The following PRDM2 variants were observed in gnomAD, a reference collection of about 807,000 sequenced individuals.
PRDM2 encodes PR/SET domain 2.
In PRDM2, 30 loss-of-function variants were observed where a neutral mutation model predicts 130.0. The observed-to-expected ratio is 0.23, with a 90% confidence interval of 0.17 to 0.31. The LOEUF (loss-of-function observed/expected upper bound fraction) is 0.31. Among genes scored for constraint, PRDM2 ranks in the 10% least tolerant of loss-of-function variants. The pLI is 1.00. For synonymous variants in PRDM2, 871 were observed against 782.4 expected (o/e 1.11, Z -1.89); for missense variants, 2,011 against 2,108.4 (o/e 0.95, Z 0.90).
intron 3 of PRDM2, 95 bp downstream of exon 3, chr1:13,731,212 TAA>T: frequency 1.1e-6 from 1 of 923,724 alleles, no homozygotes; most frequent in Non-Finnish European, 1.7e-6. Flanking sequence ...GAGCGCACCA[TAA>T]AAGCAGCAAT....
chr1:13,715,302 T>C (rs1416095129), intron 1 of PRDM2, among the ~76,000 whole-genome samples: 1 of 152,244 alleles, frequency 6.6e-6, no homozygotes, highest in Non-Finnish European at 1.5e-5. Context: ...GATGTCCTCC[T>C]AATGAGTCCG....
At chr1:13,707,240 G>A (rs1044674797) in intron 1 of PRDM2, among the ~76,000 whole-genome samples, 1 of 152,090 alleles carries the variant, frequency 6.6e-6, no homozygotes, top group African/African-American at 2.4e-5. Flanking sequence ...TGAAGACTTT[G>A]GTGCCAGGAC....
chr1:13,733,646 A>G (rs886663361), intron 4 of PRDM2, among the ~76,000 whole-genome samples: 4 of 152,230 alleles, frequency 2.6e-5, no homozygotes, highest in Admixed American at 1.3e-4. Context: ...AAATAGAGAT[A>G]GAAGATATCT....
chr1:13,709,283 T>A (rs1339264634), intron 1 of PRDM2, among the ~76,000 whole-genome samples: 1 of 152,206 alleles, frequency 6.6e-6, no homozygotes, highest in Non-Finnish European at 1.5e-5. Context: ...ATGTTTGGTT[T>A]AAAGAATTTT....
At chr1:13,730,430 G>C (rs1447567794) in intron 2 of PRDM2, among the ~76,000 whole-genome samples, 2 of 152,292 alleles carry the variant, frequency 1.3e-5, no homozygotes, top group African/African-American at 2.4e-5. Context: ...GTAAATTACT[G>C]TTTCCTGGAA....
chr1:13,752,330 C>G (rs182454383), intron 6 of PRDM2, among the ~76,000 whole-genome samples: 2 of 152,302 alleles, frequency 1.3e-5, no homozygotes, highest in Admixed American at 6.5e-5. Flanking sequence ...TTTGGATTCC[C>G]AGATTTGTAA....
At chr1:13,772,492 G>A (rs1448701409) in intron 6 of PRDM2, among the ~76,000 whole-genome samples, 1 of 152,190 alleles carries the variant, frequency 6.6e-6, no homozygotes, top group Non-Finnish European at 1.5e-5. Flanking sequence ...ATCCCTTAGG[G>A]CTCTCAGAGT....
At position 13,782,276 on chromosome 1, in the gene PRDM2, C is replaced by G; in HGVS notation, c.4481C>G (p.Ser1494Cys). ...CCCAAAAAAAAAGTTTCTCATTCAT[C>G]TAAGAAAGGTGGACACTCATCACCT... ...SPPKKKVSHS[S>C]KKGGHSSPAS... Residue 1494 changes from serine (S) to cysteine (C), a missense_variant, in exon 8 of 10, where the codon TCT (serine) becomes TGT (cysteine). By Grantham distance (112) the Ser-to-Cys change is moderately radical. This residue lies in a region of PRDM2 where 410 missense variants were observed against 395.9 expected (regional missense o/e 1.04). Transcript: ENST00000311066. 6.2e-7 allele frequency: 1 copy of G among 1,613,974 alleles called. No homozygotes were observed. The highest frequency in any genetic ancestry group is 8.5e-7 in the Non-Finnish European group (1 of 1,180,012).
chr1:13,818,895 A>C (rs1021120513), intron 9 of PRDM2, among the ~76,000 whole-genome samples: 7 of 152,124 alleles, frequency 4.6e-5, no homozygotes, highest in Non-Finnish European at 7.4e-5. Flanking sequence ...AACAATGTTG[A>C]AATGGACTGT....
At chr1:13,738,230 A>C (rs1010098636) in intron 4 of PRDM2, among the ~76,000 whole-genome samples, 9 of 152,214 alleles carry the variant, frequency 5.9e-5, no homozygotes, top group African/African-American at 2.2e-4. Context: ...AGCAAAGCCC[A>C]GAGACTCTTA....
intron 8 of PRDM2, among the ~76,000 whole-genome samples, chr1:13,785,251 C>T (rs1448075797): frequency 6.6e-6 from 1 of 151,278 alleles, no homozygotes; most frequent in Admixed American, 6.6e-5. Flanking sequence ...CACAAGGAAT[C>T]ATCACATCTA....
intron 8 of PRDM2, chr1:13,787,291 A>G: frequency 2.0e-6 from 2 of 983,854 alleles, no homozygotes; most frequent in Non-Finnish European, 2.4e-6. Flanking sequence ...ATGTATGTCT[A>G]CACGTAAGTA....
chr1:13,756,872 T>C (rs1168493986), intron 6 of PRDM2, among the ~76,000 whole-genome samples: 1 of 152,214 alleles, frequency 6.6e-6, no homozygotes, highest in African/African-American at 2.4e-5. Flanking sequence ...TTGAGATCCA[T>C]ATCCTCATTT....
chr1:13,802,231 AC>A (rs1645019251), intron 8 of PRDM2, among the ~76,000 whole-genome samples: 1 of 152,172 alleles, frequency 6.6e-6, no homozygotes, highest in Non-Finnish European at 1.5e-5. Flanking sequence ...CCGTTCAGGC[AC>A]CAAGTGAGCG....
chr1:13,761,028 C>T lies in PRDM2; in HGVS notation c.511+11541C>T, dbSNP rs1188938099. Among the ~76,000 whole-genome samples, 3 of 152,256 alleles carry T rather than the reference C, an allele frequency of 2.0e-5. No homozygotes were observed. In the South Asian group the frequency reaches 6.2e-4, roughly 31 times the overall value. ...TACATCGTGGCACTAAGGAATTCTT[C>T]ATGTGCAAGAAACCTGCTTCTCTCT... On this transcript the variant is annotated intron_variant, in intron 6 of 9. Transcript: ENST00000311066.
intron 1 of PRDM2, among the ~76,000 whole-genome samples, chr1:13,708,935 T>C (rs138778358): frequency 4.9e-4 from 75 of 152,348 alleles, no homozygotes; most frequent in African/African-American, 1.6e-3. Context: ...CTTTATTTAA[T>C]TTGGTAATAT....
At chr1:13,813,331 C>T (rs2245218) in intron 8 of PRDM2, among the ~76,000 whole-genome samples, 130,154 of 152,098 alleles carry the variant, frequency 0.86, 56,001 homozygotes, top group African/African-American at 0.94. Context: ...AGCCTTGGTC[C>T]TCGGTATTTA....
chr1:13,782,244 T>G lies in PRDM2; in HGVS notation c.4449T>G (p.Leu1483=), dbSNP rs759925535. ...HAAFSCPKKP[L]SPPKKKVSHS... ...CCTTCAGCTGTCCCAAAAAACCCCT[T>G]TCTCCTCCCAAAAAAAAAGTTTCTC... is the stretch of plus-strand genomic sequence containing the variant. Residue 1483 remains leucine, a synonymous_variant, in exon 8 of 10, where the codon CTT becomes CTG. Coordinates refer to ENST00000311066, the MANE Select transcript of PRDM2 (RefSeq NM_001393986.1). 1.2e-6 allele frequency: 2 copies of G among 1,613,580 alleles called. No homozygotes were observed. Among genetic ancestry groups the G allele is most frequent in the Non-Finnish European group, 1.7e-6 (2 of 1,179,926 alleles).
intron 8 of PRDM2, among the ~76,000 whole-genome samples, chr1:13,804,325 G>A (rs977215582): frequency 3.3e-5 from 5 of 151,984 alleles, no homozygotes; most frequent in Non-Finnish European, 5.9e-5. Context: ...CAAGGCCTAC[G>A]TTCATTCTCT....
Sources: allele counts gnomAD v4.1 joint callset (sites outside exome capture counted in the v4.1 genomes callset), GRCh38; gene constraint gnomAD v4.1.1; regional missense constraint gnomAD v4.1.1; transcripts MANE v1.5; gene names NCBI Gene and HGNC (gene_info 2026-07-23, HGNC 2026-07-21).